The following PCDH15 variants were observed in gnomAD, a reference collection of about 807,000 sequenced individuals.
The protein encoded by PCDH15 is protocadherin related 15.
In PCDH15, 129 loss-of-function variants were observed where a neutral mutation model predicts 178.5. The ratio of observed to expected loss-of-function variants is 0.72; its 90% CI spans 0.63 to 0.84. PCDH15 has a LOEUF of 0.84. PCDH15 is among the 40% of genes least tolerant of loss of function. PCDH15 has a pLI of 0.00. For synonymous variants in PCDH15, 800 were observed against 732.0 expected (o/e 1.09, Z -1.50); for missense variants, 2,230 against 2,099.9 (o/e 1.06, Z -1.21).
chr10:54,347,724 T>C (rs1943531321), intron 5 of PCDH15, among the ~76,000 whole-genome samples: 1 of 152,104 alleles, frequency 6.6e-6, no homozygotes, highest in African/African-American at 2.4e-5. Context: ...CTGCTACTAG[T>C]AGCTGCTACT....
chr10:54,570,015 A>G (rs2089578967), intron 2 of PCDH15, among the ~76,000 whole-genome samples: 1 of 148,812 alleles, frequency 6.7e-6, no homozygotes, highest in Admixed American at 6.8e-5. Flanking sequence ...TGAGGAATAG[A>G]CTCTCTTTGC....
intron 2 of PCDH15, among the ~76,000 whole-genome samples, chr10:55,557,278 A>G (rs915392260): frequency 6.6e-6 from 1 of 152,162 alleles, no homozygotes; most frequent in African/African-American, 2.4e-5. Flanking sequence ...TTCTTTTATC[A>G]TATTTTCATA....
intron 2 of PCDH15, among the ~76,000 whole-genome samples, chr10:55,381,969 T>C (rs567893222): frequency 1.9e-4 from 29 of 152,188 alleles, no homozygotes; most frequent in Non-Finnish European, 3.4e-4. Flanking sequence ...AGGTGAGAGA[T>C]GGAGAGGATA....
intron 2 of PCDH15, among the ~76,000 whole-genome samples, chr10:55,398,421 G>A (rs956621363): frequency 1.3e-5 from 2 of 152,062 alleles, no homozygotes; most frequent in African/African-American, 4.8e-5. Context: ...ATGATAAATG[G>A]AATATGAAAA....
intron 2 of PCDH15, among the ~76,000 whole-genome samples, chr10:55,083,883 T>A (rs1359111014): frequency 6.6e-6 from 1 of 151,314 alleles, no homozygotes; most frequent in Non-Finnish European, 1.5e-5. Context: ...CTATAAAAAC[T>A]ACAATAAAAA....
At chr10:55,541,573 T>C in intron 2 of PCDH15, among the ~76,000 whole-genome samples, 1 of 152,084 alleles carries the variant, frequency 6.6e-6, no homozygotes, top group Admixed American at 6.6e-5. Context: ...TATATTATTC[T>C]TTAGAAAAAC....
chr10:55,083,151 A>C lies in PCDH15; in HGVS notation c.-80+83425T>G, dbSNP rs1591889007. ...ATGAATATTGATGAAAAAATTTGCA[A>C]AAAAAAACACTAGCAAACAAAATTC... is the stretch of plus-strand genomic sequence containing the variant. On this transcript the variant is annotated intron_variant, in intron 2 of 5. Coordinates refer to the PCDH15 transcript ENST00000458638. Among the ~76,000 whole-genome samples the C allele has an allele frequency of 2.0e-5, 3 of 151,724 alleles. No individual in the cohort carries two copies. The East Asian group carries it at 5.8e-4, about 29-fold the overall frequency.
intron 15 of PCDH15, among the ~76,000 whole-genome samples, chr10:54,113,156 C>T (rs912217441): frequency 2.0e-5 from 3 of 152,048 alleles, no homozygotes; most frequent in African/African-American, 7.2e-5. Flanking sequence ...CATGTGTAGG[C>T]ATTTCTCCAA....
Position 54,313,613 on chromosome 10 carries a change from C to G in PCDH15, c.876+3658G>C, listed in dbSNP as rs117470153. Among the ~76,000 whole-genome samples the G allele has an allele frequency of 1.0e-2, 1,521 of 152,178 alleles. 23 individuals are homozygous for G. The highest frequency in any genetic ancestry group is 0.012 in the Non-Finnish European group (784 of 68,010). ...CAAATGTATCTTAATTTTATTTACT[C>G]TTCCTAAATTGTATCTATATACTTA... On this transcript the variant is annotated intron_variant, in intron 8 of 37. Transcript: ENST00000644397.
intron 37 of PCDH15, among the ~76,000 whole-genome samples, chr10:53,807,572 A>ACAT (rs1471691005): frequency 1.3e-5 from 2 of 152,164 alleles, no homozygotes; most frequent in Admixed American, 1.3e-4. Context: ...TTTTTAAACC[A>ACAT]CATCATTCTA....
At chr10:55,280,230 C>CA (rs1453698388) in intron 1 of PCDH15, among the ~76,000 whole-genome samples, 1 of 142,774 alleles carries the variant, frequency 7.0e-6, no homozygotes, top group Non-Finnish European at 1.5e-5. Flanking sequence ...TGGACAAAGA[C>CA]AAAAGCTGTG....
chr10:54,855,436 G>T (rs1953721539), intron 3 of PCDH15, among the ~76,000 whole-genome samples: 1 of 152,168 alleles, frequency 6.6e-6, no homozygotes, highest in Admixed American at 6.5e-5. Context: ...CACTCCTGAT[G>T]GTTAGCCACT....
At chr10:54,852,478 CAGAGAAAAT>C (rs1251690463) in intron 3 of PCDH15, among the ~76,000 whole-genome samples, 1 of 152,042 alleles carries the variant, frequency 6.6e-6, no homozygotes, top group Non-Finnish European at 1.5e-5. Context: ...AAAGGTTTCC[CAGAGAAAAT>C]ATCTGAGCTT....
At chr10:54,765,021 G>A (rs1323308890) in intron 1 of PCDH15, among the ~76,000 whole-genome samples, 2 of 152,002 alleles carry the variant, frequency 1.3e-5, no homozygotes, top group Non-Finnish European at 2.9e-5. Flanking sequence ...GATCCAACAG[G>A]CAAAAAGCTA....
intron 3 of PCDH15, among the ~76,000 whole-genome samples, chr10:54,514,934 G>C (rs1245451388): frequency 6.6e-6 from 1 of 152,188 alleles, no homozygotes; most frequent in Non-Finnish European, 1.5e-5. Context: ...ATTTTAGACT[G>C]ATTGTTTCTA....
chr10:55,559,137 C>T (rs907833101), intron 2 of PCDH15, among the ~76,000 whole-genome samples: 2 of 152,020 alleles, frequency 1.3e-5, no homozygotes, highest in African/African-American at 4.8e-5. Flanking sequence ...CCTTACATCT[C>T]ACACAGCACT....
At chr10:54,346,044 C>A (rs1943223459) in intron 6 of PCDH15, among the ~76,000 whole-genome samples, 1 of 151,940 alleles carries the variant, frequency 6.6e-6, no homozygotes. Flanking sequence ...GCATAAAATT[C>A]ATGTTTGACA....
rs1554854564 is a variant in PCDH15, at chr10:54,242,189, C to CACACATATAT, written c.877-5259_877-5258insATATATGTGT. Among the ~76,000 whole-genome samples, 13 of 88,618 alleles carry CACACATATAT rather than the reference C, an allele frequency of 1.5e-4. 2 individuals carry two copies. Among genetic ancestry groups the CACACATATAT allele is most frequent in the African/African-American group, 7.1e-4 (12 of 16,910 alleles). 58.1% of individuals were successfully genotyped at this position (88,618 alleles called of 152,430 possible). A position where few individuals can be genotyped will look rare whatever the true frequency, so the allele number is the denominator to read the frequency against. On this transcript the variant is annotated intron_variant, in intron 8 of 37. Coordinates refer to ENST00000644397, the MANE Select transcript of PCDH15 (RefSeq NM_001384140.1). Reference sequence around the variant, plus strand: ...ATATATATATATATATATATATATACACACACACACATACATACATACACA... The same window carrying CACACATATAT: ...ATATATATATATATATATATATATACACACATATATACACACACACATACATACATACACA...
chr10:54,077,029 A>G (rs1434081661), intron 17 of PCDH15, among the ~76,000 whole-genome samples: 3 of 152,186 alleles, frequency 2.0e-5, no homozygotes, highest in African/African-American at 7.2e-5. Context: ...TTATTGTTAT[A>G]TAATCACTTT....
Sources: allele counts gnomAD v4.1 joint callset (sites outside exome capture counted in the v4.1 genomes callset), GRCh38; gene constraint gnomAD v4.1.1; transcripts MANE v1.5; gene names NCBI Gene and HGNC (gene_info 2026-07-23, HGNC 2026-07-21).